The following RPS6KA2 variants were observed in gnomAD, a reference collection of about 807,000 sequenced individuals.
RPS6KA2 encodes ribosomal protein S6 kinase A2, also known as ribosomal protein S6 kinase alpha-2.
In RPS6KA2, 42 loss-of-function variants were observed where a neutral mutation model predicts 91.8. That is an observed-to-expected ratio of 0.46 (90% CI 0.36 to 0.59). The LOEUF (loss-of-function observed/expected upper bound fraction) is 0.59, where lower values mean the gene tolerates loss of function less well. Among genes scored for constraint, RPS6KA2 ranks in the 20% least tolerant of loss-of-function variants. The pLI, the probability that RPS6KA2 is intolerant of heterozygous loss-of-function variation, is 0.00. For missense variants in RPS6KA2, 798 were observed against 978.5 expected, an observed-to-expected ratio of 0.82 and a Z score of 2.46; for synonymous variants, 414 against 393.6, an observed-to-expected ratio of 1.05 and a Z score of -0.61.
chr6:166,798,452 T>C (rs1014368179), intron 2 of RPS6KA2, among the ~76,000 whole-genome samples: 1 of 152,252 alleles, frequency 6.6e-6, no homozygotes, highest in Non-Finnish European at 1.5e-5. Context: ...ATCCTGGTGC[T>C]GAAAGAGGGC....
chr6:166,655,719 A>T (rs1787981748), intron 2 of RPS6KA2, among the ~76,000 whole-genome samples: 1 of 152,248 alleles, frequency 6.6e-6, no homozygotes, highest in Non-Finnish European at 1.5e-5. Flanking sequence ...CTTACTGACT[A>T]TAAAAGGTTG....
chr6:166,709,159 T>C (rs1169396339), intron 2 of RPS6KA2, among the ~76,000 whole-genome samples: 2 of 152,188 alleles, frequency 1.3e-5, no homozygotes, highest in Non-Finnish European at 2.9e-5. Context: ...GAAGTTCATC[T>C]CACCTCTGCT....
At chr6:166,503,283 C>T (rs915710741) in intron 6 of RPS6KA2, among the ~76,000 whole-genome samples, 12 of 151,452 alleles carry the variant, frequency 7.9e-5, no homozygotes, top group African/African-American at 2.9e-4. Context: ...GAAGTCAGAT[C>T]ATCAAGCACA....
intron 1 of RPS6KA2, among the ~76,000 whole-genome samples, chr6:166,613,755 G>A (rs1230390409): frequency 2.6e-5 from 4 of 151,760 alleles, no homozygotes; most frequent in Non-Finnish European, 5.9e-5. Flanking sequence ...GGCTTTCCAC[G>A]GCCTTCAGGA....
chr6:166,828,541 G>C (rs1780103061), intron 2 of RPS6KA2, among the ~76,000 whole-genome samples: 2 of 152,216 alleles, frequency 1.3e-5, no homozygotes, highest in South Asian at 4.1e-4. Flanking sequence ...AAATCTAACA[G>C]AGCTTGAGAT....
Position 166,648,142 on chromosome 6 carries a change from A to G in RPS6KA2, c.124-109358T>C, listed in dbSNP as rs564328598. 4.2e-4 allele frequency among the ~76,000 whole-genome samples: 63 copies of G among 150,604 alleles called. No homozygotes were observed. Among genetic ancestry groups the G allele is most frequent in the African/African-American group, 1.4e-3 (58 of 40,930 alleles). On this transcript the variant is annotated intron_variant, in intron 2 of 21. Transcript: ENST00000503859. The surrounding 1 kb of genome is among the most constrained non-coding windows in gnomAD (Gnocchi z 4.8). ...CACGCTCATACACATACATGCACAC[A>G]CGCACATGGTTACACACCCATGCAC...
At chr6:166,602,167 T>C (rs1785760075) in intron 1 of RPS6KA2, among the ~76,000 whole-genome samples, 2 of 152,186 alleles carry the variant, frequency 1.3e-5, no homozygotes, top group Admixed American at 6.5e-5. Context: ...GGACACCATC[T>C]CACACACAGC....
intron 2 of RPS6KA2, among the ~76,000 whole-genome samples, chr6:166,829,258 G>A (rs561310363): frequency 1.3e-5 from 2 of 152,208 alleles, no homozygotes; most frequent in Non-Finnish European, 2.9e-5. Context: ...TAGTATAGCT[G>A]CTGTGGAAAA....
chr6:166,586,449 T>C (rs1785177191), intron 1 of RPS6KA2: 1 of 1,599,520 alleles, frequency 6.3e-7, no homozygotes, highest in East Asian at 2.2e-5. Context: ...CTCTTCAAAA[T>C]TTGGAACAGC....
At chr6:166,509,857 A>C (rs762572256) in intron 4 of RPS6KA2, among the ~76,000 whole-genome samples, 1 of 152,320 alleles carries the variant, frequency 6.6e-6, no homozygotes, top group South Asian at 2.1e-4. Flanking sequence ...GGTTCAACGA[A>C]CTACTATCTT....
chr6:166,437,070 G>A lies in RPS6KA2; in HGVS notation c.1333-4580C>T, dbSNP rs1258636557. On this transcript the variant is annotated intron_variant, in intron 14 of 20. Coordinates refer to ENST00000265678, the MANE Select transcript of RPS6KA2 (RefSeq NM_021135.6). The surrounding 1 kb of genome is among the most constrained non-coding windows in gnomAD (Gnocchi z 4.3). ...TTTTGTTTTTATTTTTGCATGGAGGGTGAGCTATTTGAGCAAGGTAAGGCT... is the reference window on the plus strand; with the variant it reads ...TTTTGTTTTTATTTTTGCATGGAGGATGAGCTATTTGAGCAAGGTAAGGCT... Among the ~76,000 whole-genome samples the A allele has an allele frequency of 6.6e-6, 1 of 152,000 alleles. No homozygotes were observed. Among genetic ancestry groups the A allele is most frequent in the African/African-American group, 2.4e-5 (1 of 41,360 alleles).
Position 166,563,529 on chromosome 6 carries a change from C to T in RPS6KA2, c.100-24745G>A, listed in dbSNP as rs182117112. ...AGCCTCCTGAGTGCTGTGCCTGCCC[C>T]CACTCCATCTGAGCGGCTGACCAGT... On this transcript the variant is annotated intron_variant, in intron 1 of 20. Transcript: ENST00000265678. This position sits in a 1 kb window ranked among gnomAD's most constrained non-coding sequence, Gnocchi z 4.1. Among the ~76,000 whole-genome samples the T allele has an allele frequency of 2.9e-3, 435 of 152,140 alleles. 3 individuals are homozygous for T. Among genetic ancestry groups the T allele is most frequent in the African/African-American group, 0.01 (421 of 41,500 alleles).
At position 166,626,990 on chromosome 6, in the gene RPS6KA2, C is replaced by A; in HGVS notation, c.30G>T (p.Val10=). The A allele has an allele frequency of 6.4e-7, 1 of 1,552,374 alleles. No individual in the cohort carries two copies. The highest frequency in any genetic ancestry group is 8.7e-7 in the Non-Finnish European group (1 of 1,148,120). ...GCAGGTACACAGAGAAGAACCTGCG[C>A]ACGGCGAACTTCTTCATGCTCAGGT... MDLSMKKFA[V]RRFFSVYLRR... The change falls in exon 1 of 21, where the codon GTG becomes GTT. Residue 10 remains valine, a synonymous_variant. Transcript: ENST00000265678. This position sits in a 1 kb window ranked among gnomAD's most constrained non-coding sequence, Gnocchi z 4.1.
intron 1 of RPS6KA2, among the ~76,000 whole-genome samples, chr6:166,605,372 A>G (rs898380608): frequency 6.6e-6 from 1 of 152,168 alleles, no homozygotes; most frequent in African/African-American, 2.4e-5. Flanking sequence ...TTGGGTGGTC[A>G]CGTAGCCTAA....
At chr6:166,656,310 G>C (rs375312706) in intron 2 of RPS6KA2, among the ~76,000 whole-genome samples, 8 of 152,216 alleles carry the variant, frequency 5.3e-5, no homozygotes, top group African/African-American at 1.7e-4. Flanking sequence ...GAAGAAGAAG[G>C]GGGAGGAGAG....
intron 13 of RPS6KA2, among the ~76,000 whole-genome samples, chr6:166,450,276 G>T (rs370537918): frequency 6.8e-6 from 1 of 146,986 alleles, no homozygotes; most frequent in African/African-American, 2.5e-5. Context: ...ACCATCACGG[G>T]TACCACCAGG....
intron 2 of RPS6KA2, among the ~76,000 whole-genome samples, chr6:166,647,807 TAC>T (rs1322319311): frequency 1.8e-5 from 2 of 109,264 alleles, no homozygotes; most frequent in South Asian, 6.1e-4. Context: ...CACACATACA[TAC>T]ACACATGCTC....
chr6:166,430,853 C>T (rs186037885), intron 15 of RPS6KA2, among the ~76,000 whole-genome samples: 1 of 152,280 alleles, frequency 6.6e-6, no homozygotes, highest in African/African-American at 2.4e-5. Flanking sequence ...TGAGTAAGGA[C>T]ATACAAGATG....
Position 166,475,656 on chromosome 6 carries a change from C to T in RPS6KA2, c.908-5751G>A, listed in dbSNP as rs374696684. On this transcript the variant is annotated intron_variant, in intron 10 of 20. Transcript: ENST00000265678. ...CACCTTCCTAAGCCAGCACCTGCTACGGGCATTCAGTACACATTCACTGAA... is the reference window on the plus strand; with the variant it reads ...CACCTTCCTAAGCCAGCACCTGCTATGGGCATTCAGTACACATTCACTGAA... 2.0e-4 allele frequency: 78 copies of T among 386,270 alleles called. 1 individual carries two copies. Among genetic ancestry groups the T allele is most frequent in the South Asian group, 1.5e-3 (68 of 46,420 alleles). 23.9% of individuals were successfully genotyped at this position (386,270 alleles called of 1,614,324 possible).
Sources: allele counts gnomAD v4.1 joint callset (sites outside exome capture counted in the v4.1 genomes callset), GRCh38; gene constraint gnomAD v4.1.1; non-coding constraint Gnocchi (gnomAD v3.1); transcripts MANE v1.5; gene names NCBI Gene and HGNC (gene_info 2026-07-23, HGNC 2026-07-21).